The following ZBTB7C variants were observed in gnomAD, a reference collection of about 807,000 sequenced individuals.
ZBTB7C encodes zinc finger and BTB domain containing 7C.
In ZBTB7C, 8 loss-of-function variants were observed where a neutral mutation model predicts 25.7. That is an observed-to-expected ratio of 0.31 (90% CI 0.18 to 0.56). The LOEUF (loss-of-function observed/expected upper bound fraction) is 0.56. ZBTB7C is among the 20% of genes least tolerant of loss of function. ZBTB7C has a pLI of 0.91. For synonymous variants in ZBTB7C, 394 were observed against 369.0 expected (o/e 1.07, Z -0.78); for missense variants, 824 against 855.2 (o/e 0.96, Z 0.46).
chr18:48,378,317 A>G (rs1015198704), intron 1 of ZBTB7C, among the ~76,000 whole-genome samples: 3 of 152,176 alleles, frequency 2.0e-5, no homozygotes, highest in Non-Finnish European at 4.4e-5. Flanking sequence ...TGCCACACTG[A>G]AAACAGGGGG....
At position 48,040,565 on chromosome 18, in the gene ZBTB7C, C is replaced by T; in HGVS notation, c.543G>A (p.Gln181=). ...FADQENLPDP[Q]DISCHQSPSK... ...AAGGGCTTTGGTGGCAGCTGATGTC[C>T]TGGGGGTCAGGCAAGTTTTCTTGGT... The change falls in exon 4 of 5, where the codon CAG becomes CAA. Residue 181 remains glutamine, a synonymous_variant. Transcript: ENST00000590800. The T allele has an allele frequency of 6.2e-7, 1 of 1,614,036 alleles. No individual in the cohort carries two copies. Among genetic ancestry groups the T allele is most frequent in the Non-Finnish European group, 8.5e-7 (1 of 1,179,982 alleles).
In ZBTB7C at chr18:48,185,462, A is replaced by G. The variant is rs72922186; in HGVS notation, c.-17+472T>C. On this transcript the variant is annotated intron_variant, in intron 3 of 4. Transcript: ENST00000590800. ...TCCAGGTGCTGCCTGGCACCTGGTG[A>G]TTAATGACATTCTCAGATTGATTAA... The G allele has an allele frequency of 1.6e-3, 530 of 335,658 alleles. 2 individuals carry two copies. The highest frequency in any genetic ancestry group is 4.4e-3 in the Middle Eastern group (11 of 2,526). 20.8% of individuals were successfully genotyped at this position (335,658 alleles called of 1,614,324 possible).
chr18:48,311,372 A>G (rs1277415995), intron 2 of ZBTB7C, among the ~76,000 whole-genome samples: 1 of 152,216 alleles, frequency 6.6e-6, no homozygotes, highest in Non-Finnish European at 1.5e-5. Context: ...AATGAAAGTT[A>G]GCCTTTTCTG....
intron 2 of ZBTB7C, among the ~76,000 whole-genome samples, chr18:48,194,651 G>A (rs542138568): frequency 6.6e-6 from 1 of 152,228 alleles, no homozygotes; most frequent in East Asian, 1.9e-4. Flanking sequence ...GCAGAGGCAG[G>A]GACAGGCCCA....
intron 3 of ZBTB7C, among the ~76,000 whole-genome samples, chr18:48,097,008 A>G (rs576628581): frequency 1.8e-4 from 27 of 152,250 alleles, no homozygotes; most frequent in Non-Finnish European, 3.1e-4. Context: ...GTATGGTCGC[A>G]GATACATGGA....
intron 3 of ZBTB7C, among the ~76,000 whole-genome samples, chr18:48,106,832 G>C (rs956556262): frequency 1.3e-5 from 2 of 152,016 alleles, no homozygotes; most frequent in Non-Finnish European, 2.9e-5. Flanking sequence ...TTCTGCAGCG[G>C]GGTGGGGAAT....
At chr18:48,074,802 G>C (rs1268076684) in intron 3 of ZBTB7C, among the ~76,000 whole-genome samples, 1 of 152,170 alleles carries the variant, frequency 6.6e-6, no homozygotes, top group African/African-American at 2.4e-5. Context: ...GTTCCAGCCT[G>C]GCAAACACAG....
At chr18:48,335,756 C>T (rs1254122443) in intron 2 of ZBTB7C, among the ~76,000 whole-genome samples, 1 of 152,184 alleles carries the variant, frequency 6.6e-6, no homozygotes, top group African/African-American at 2.4e-5. Flanking sequence ...AGACTTCAAA[C>T]ACTTTGTATG....
intron 3 of ZBTB7C, among the ~76,000 whole-genome samples, chr18:48,120,847 G>C (rs190008248): frequency 3.7e-4 from 56 of 152,374 alleles, no homozygotes; most frequent in African/African-American, 1.1e-3. Context: ...GCCTTGCCTG[G>C]CTTGCCTGCA....
intron 1 of ZBTB7C, among the ~76,000 whole-genome samples, chr18:48,363,107 A>C (rs2047146732): frequency 6.6e-6 from 1 of 152,210 alleles, no homozygotes; most frequent in African/African-American, 2.4e-5. Context: ...GGATCGAATG[A>C]ATTAATCCAT....
At chr18:48,155,807 T>C (rs1158780482) in intron 3 of ZBTB7C, among the ~76,000 whole-genome samples, 1 of 152,198 alleles carries the variant, frequency 6.6e-6, no homozygotes, top group Non-Finnish European at 1.5e-5. Flanking sequence ...ACTAGTTTAG[T>C]GCAAACCAAT....
chr18:48,340,162 T>G (rs1354258950), intron 1 of ZBTB7C, among the ~76,000 whole-genome samples: 4 of 152,234 alleles, frequency 2.6e-5, no homozygotes, highest in African/African-American at 4.8e-5. Flanking sequence ...TCTGCTTGAT[T>G]CCAAAGCAGC....
At chr18:48,384,713 G>A (rs915069356) in intron 1 of ZBTB7C, among the ~76,000 whole-genome samples, 3 of 151,896 alleles carry the variant, frequency 2.0e-5, no homozygotes, top group South Asian at 2.1e-4. Context: ...ATTGAGTCTC[G>A]CTCTGTCACC....
At position 48,029,385 on chromosome 18, in the gene ZBTB7C, C is replaced by A; in HGVS notation, c.1735G>T (p.Ala579Ser). 1 of 1,559,106 alleles carries A rather than the reference C, an allele frequency of 6.4e-7. No individual in the cohort carries two copies. Among genetic ancestry groups the A allele is most frequent in the Non-Finnish European group, 8.6e-7 (1 of 1,156,270 alleles). The change falls in exon 5 of 5, where the codon GCC becomes TCC. Residue 579 changes from alanine to serine, a missense_variant. Ala to Ser is a moderately conservative substitution (Grantham distance 99). This residue lies in a region of ZBTB7C where 342 missense variants were observed against 307.0 expected (regional missense o/e 1.11). Transcript: ENST00000590800. ...NAGGLLAFAL[A>S]ENVAAARPYF... ...GGCCGCGCCGCCGCCACGTTCTCGG[C>A]CAGCGCGAAGGCCAGGAGGCCCCCC...
intron 3 of ZBTB7C, among the ~76,000 whole-genome samples, chr18:48,159,161 G>T (rs2040926496): frequency 6.6e-6 from 1 of 151,776 alleles, no homozygotes; most frequent in Non-Finnish European, 1.5e-5. Flanking sequence ...TAGGGGTCAT[G>T]GCTTATTTAT....
At chr18:48,108,025 AGGGC>A (rs2039095524) in intron 3 of ZBTB7C, among the ~76,000 whole-genome samples, 3 of 152,216 alleles carry the variant, frequency 2.0e-5, no homozygotes, top group Non-Finnish European at 4.4e-5. Flanking sequence ...ACTATCTGTC[AGGGC>A]ACGTGAAATT....
intron 2 of ZBTB7C, among the ~76,000 whole-genome samples, chr18:48,195,299 G>T (rs149193131): frequency 1.3e-5 from 2 of 152,238 alleles, no homozygotes; most frequent in African/African-American, 4.8e-5. Flanking sequence ...ATCTTGAATT[G>T]CAGCTCCCAT....
intron 2 of ZBTB7C, among the ~76,000 whole-genome samples, chr18:48,268,399 G>A (rs978951045): frequency 1.1e-4 from 17 of 152,226 alleles, no homozygotes; most frequent in Admixed American, 2.6e-4. Context: ...GACAGCTGGG[G>A]ATTTATAGCC....
At chr18:48,116,951 C>G (rs80276193) in intron 3 of ZBTB7C, among the ~76,000 whole-genome samples, 2,867 of 152,206 alleles carry the variant, frequency 0.019, 81 homozygotes, top group African/African-American at 0.064. Flanking sequence ...ATAATTCTTT[C>G]CTAGCTCCCA....
Sources: allele counts gnomAD v4.1 joint callset (sites outside exome capture counted in the v4.1 genomes callset), GRCh38; gene constraint gnomAD v4.1.1; regional missense constraint gnomAD v4.1.1; transcripts MANE v1.5; gene names NCBI Gene and HGNC (gene_info 2026-07-23, HGNC 2026-07-21).